The following PEPD variants were observed in gnomAD, a reference collection of about 807,000 sequenced individuals.
PEPD encodes the protein xaa-Pro dipeptidase.
PEPD carries 53 observed loss-of-function variants against 60.7 expected under a neutral mutation model. The observed-to-expected ratio is 0.87, with a 90% CI of 0.70 to 1.10. The LOEUF is 1.10. Ranked by LOEUF, PEPD falls within the 50% of genes least tolerant of loss-of-function variation. PEPD has a pLI of 0.00. For synonymous variants in PEPD, 267 were observed against 284.1 expected (o/e 0.94, Z 0.60); for missense variants, 711 against 711.9 (o/e 1.00, Z 0.01).
intron 6 of PEPD, among the ~76,000 whole-genome samples, chr19:33,482,844 T>C (rs1471824216): frequency 6.6e-6 from 1 of 151,720 alleles, no homozygotes; most frequent in Non-Finnish European, 1.5e-5. Context: ...AACAAAGTAG[T>C]AGTGACAGAA....
intron 5 of PEPD, among the ~76,000 whole-genome samples, chr19:33,490,505 C>T (rs1374991518): frequency 1.3e-5 from 2 of 152,234 alleles, no homozygotes; most frequent in Non-Finnish European, 2.9e-5. Flanking sequence ...GGGAGGTGTG[C>T]AGGACCTGAC....
At position 33,512,734 on chromosome 19, in the gene PEPD, C is replaced by T; in HGVS notation, c.60G>A (p.Leu20=). The change falls in exon 2 of 15, where the codon CTG becomes CTA. Residue 20 remains leucine (L), a synonymous_variant. Transcript: ENST00000244137. ...GCTGCCGGTTCAAGGCAAAGAGCGC[C>T]AGCGGCACCTTCAGGGTTTCATTCC... is the stretch of plus-strand genomic sequence containing the variant. The part of the protein sequence containing the change: ...WLGNETLKVP[L]ALFALNRQRL... The T allele has an allele frequency of 6.2e-7, 1 of 1,614,140 alleles. No homozygotes were observed.
intron 9 of PEPD, among the ~76,000 whole-genome samples, chr19:33,418,954 G>T (rs568034150): frequency 2.6e-5 from 4 of 152,148 alleles, no homozygotes; most frequent in Non-Finnish European, 4.4e-5. Context: ...CCGTGTAGCC[G>T]GCACCAACAT....
At chr19:33,449,951 C>T (rs1207201976) in intron 9 of PEPD, among the ~76,000 whole-genome samples, 1 of 152,210 alleles carries the variant, frequency 6.6e-6, no homozygotes, top group East Asian at 1.9e-4. Flanking sequence ...AGGTAACAGA[C>T]AGGAAGCAGA....
At chr19:33,487,448 G>C (rs1383710094) in intron 6 of PEPD, 1 of 152,370 alleles carries the variant, frequency 6.6e-6, no homozygotes, top group African/African-American at 2.4e-5. Flanking sequence ...ATGGCCCCCT[G>C]CAGGGGACAA....
chr19:33,449,204 T>G (rs1226790921), intron 9 of PEPD, among the ~76,000 whole-genome samples: 2 of 152,208 alleles, frequency 1.3e-5, no homozygotes, highest in Non-Finnish European at 2.9e-5. Flanking sequence ...GACCACCTGG[T>G]GCAACTCATA....
chr19:33,464,757 G>C (rs964626602), intron 7 of PEPD, among the ~76,000 whole-genome samples: 10 of 152,154 alleles, frequency 6.6e-5, no homozygotes, highest in African/African-American at 2.4e-4. Flanking sequence ...GACTCCTGAG[G>C]CTTCCAGGTC....
intron 11 of PEPD, among the ~76,000 whole-genome samples, chr19:33,402,820 G>A (rs1380076726): frequency 1.3e-5 from 2 of 152,196 alleles, no homozygotes; most frequent in African/African-American, 4.8e-5. Flanking sequence ...GGATGGCATG[G>A]GACAGATGGC....
At chr19:33,510,983 G>T in intron 3 of PEPD, 45 bp downstream of exon 3, 1 of 1,435,344 alleles carries the variant, frequency 7.0e-7, no homozygotes, top group Non-Finnish European at 9.4e-7. Context: ...CCCACCCCCA[G>T]CCCATGGTTG....
chr19:33,474,683 CA>C lies in PEPD; in HGVS notation c.548+3362del, dbSNP rs200501915. Reference sequence around the variant, plus strand: ...TGGGTGACAGAGCAAGACTTCATCTCAAAAAAAAAGTGCCAGGCTGGGTGCG... The same window carrying C: ...TGGGTGACAGAGCAAGACTTCATCTCAAAAAAAAGTGCCAGGCTGGGTGCG... On this transcript the variant is annotated intron_variant, in intron 7 of 14. Coordinates refer to ENST00000244137, the MANE Select transcript of PEPD (RefSeq NM_000285.4). Among the ~76,000 whole-genome samples the C allele has an allele frequency of 4.1e-3, 611 of 150,560 alleles. 5 individuals are homozygous for C. Among genetic ancestry groups the C allele is most frequent in the African/African-American group, 0.014 (576 of 41,074 alleles).
At chr19:33,409,469 A>C (rs1968714362) in intron 11 of PEPD, among the ~76,000 whole-genome samples, 1 of 152,248 alleles carries the variant, frequency 6.6e-6, no homozygotes. Flanking sequence ...CAGGAATTCC[A>C]GACCAGCCTG....
chr19:33,504,058 A>G (rs1426203324), intron 3 of PEPD, among the ~76,000 whole-genome samples: 1 of 152,214 alleles, frequency 6.6e-6, no homozygotes, highest in Non-Finnish European at 1.5e-5. Context: ...ACAACCTGAA[A>G]AGCTGCAAGC....
intron 9 of PEPD, among the ~76,000 whole-genome samples, chr19:33,415,970 G>A (rs1333189439): frequency 1.3e-5 from 2 of 152,210 alleles, no homozygotes; most frequent in African/African-American, 2.4e-5. Flanking sequence ...TGGGCAAAAC[G>A]AGCCCACGTT....
At position 33,483,723 on chromosome 19, in the gene PEPD, T is replaced by A. The variant is rs372131437; in HGVS notation, c.504-5633A>T. Among the ~76,000 whole-genome samples, 50 of 152,252 alleles carry A rather than the reference T, an allele frequency of 3.3e-4. 2 individuals are homozygous for A. In the South Asian group the frequency reaches 0.01, roughly 31 times the overall value. ...TATTCAGAAGGCTAAGGTGGGAAGA[T>A]CGCTTGAGCCCAGGAGGTTGAGGCT... On this transcript the variant is annotated intron_variant, in intron 6 of 14. Coordinates refer to ENST00000244137, the MANE Select transcript of PEPD (RefSeq NM_000285.4).
chr19:33,439,598 G>C (rs1363503787), intron 9 of PEPD, among the ~76,000 whole-genome samples: 2 of 152,192 alleles, frequency 1.3e-5, no homozygotes, highest in African/African-American at 2.4e-5. Context: ...ATTTGCTTTA[G>C]CTCCTTGGGA....
At chr19:33,440,632 A>G (rs1441339799) in intron 9 of PEPD, among the ~76,000 whole-genome samples, 1 of 152,094 alleles carries the variant, frequency 6.6e-6, no homozygotes, top group Non-Finnish European at 1.5e-5. Context: ...CGCTCTGTGC[A>G]AGGCTTTCAA....
intron 3 of PEPD, among the ~76,000 whole-genome samples, chr19:33,506,179 TCACA>T (rs530505608): frequency 5.6e-5 from 4 of 71,908 alleles, no homozygotes; most frequent in African/African-American, 2.3e-4. Context: ...TACACAACAC[TCACA>T]CACCCACACA....
rs575962845 is a variant in PEPD, at chr19:33,387,990, A to T, written c.1244T>A (p.Ile415Asn). 45 of 1,587,854 alleles carry T rather than the reference A, an allele frequency of 2.8e-5. No homozygotes were observed. In the South Asian group the frequency reaches 4.9e-4, roughly 17 times the overall value. ...ATCCAGGAGGTGGTCGATGAAGTAG[A>T]TGCCCGGCTCCACGGTGAGCACCAT... ...PGMVLTVEPGIYFIDHLLDEA... is the reference protein window; with the variant it reads ...PGMVLTVEPGNYFIDHLLDEA... Residue 415 changes from isoleucine (I) to asparagine (N), a missense_variant, in exon 14 of 15, where the codon ATC becomes AAC. By Grantham distance (149) the Ile-to-Asn change is moderately radical (BLOSUM62 -3). Coordinates refer to ENST00000244137, the MANE Select transcript of PEPD (RefSeq NM_000285.4).
At chr19:33,511,859 T>A (rs761694847) in intron 2 of PEPD, among the ~76,000 whole-genome samples, 22 of 151,948 alleles carry the variant, frequency 1.4e-4, no homozygotes, top group Non-Finnish European at 3.2e-4. Context: ...AACAATGGAG[T>A]GGAGAGACGG....
Sources: allele counts gnomAD v4.1 joint callset (sites outside exome capture counted in the v4.1 genomes callset), GRCh38; gene constraint gnomAD v4.1.1; transcripts MANE v1.5; gene names NCBI Gene and HGNC (gene_info 2026-07-23, HGNC 2026-07-21).